CDH2: variants seen among roughly 807,000 people sequenced by gnomAD.
CDH2 encodes cadherin 2.
CDH2 carries 17 observed loss-of-function variants against 92.0 expected under a neutral mutation model. That is an observed-to-expected ratio of 0.18 (90% CI 0.13 to 0.28). The LOEUF (loss-of-function observed/expected upper bound fraction) is 0.28, where lower values mean the gene tolerates loss of function less well. Among genes scored for constraint, CDH2 ranks in the 10% least tolerant of loss-of-function variants. The pLI is 1.00. For missense variants in CDH2, 862 were observed against 1,133.1 expected, an observed-to-expected ratio of 0.76 and a Z score of 3.44; for synonymous variants, 419 against 415.9, an observed-to-expected ratio of 1.01 and a Z score of -0.09.
chr18:27,958,567 G>A (rs528370699), intron 15 of CDH2, among the ~76,000 whole-genome samples: 3 of 148,992 alleles, frequency 2.0e-5, no homozygotes, highest in South Asian at 2.1e-4. Context: ...TTATATATGT[G>A]TATATTTGTA....
At chr18:27,970,936 G>A (rs926561801) in intron 14 of CDH2, among the ~76,000 whole-genome samples, 9 of 152,166 alleles carry the variant, frequency 5.9e-5, no homozygotes, top group African/African-American at 2.2e-4. Context: ...GTGGGAGGCT[G>A]AGGCAGAAGT....
At chr18:27,962,576 T>C (rs2011435799) in intron 15 of CDH2, among the ~76,000 whole-genome samples, 1 of 152,176 alleles carries the variant, frequency 6.6e-6, no homozygotes, top group Admixed American at 6.5e-5. Flanking sequence ...ACCAATGATA[T>C]GACCAGAAAA....
At chr18:28,104,692 A>AT (rs1555642207) in intron 2 of CDH2, among the ~76,000 whole-genome samples, 1 of 148,328 alleles carries the variant, frequency 6.7e-6, no homozygotes, top group Non-Finnish European at 1.5e-5. Flanking sequence ...ATGCAAATAC[A>AT]TATCTATCTA....
chr18:27,955,396 G>A (rs936475253), intron 15 of CDH2, among the ~76,000 whole-genome samples: 26 of 89,832 alleles, frequency 2.9e-4, no homozygotes, highest in Admixed American at 3.6e-4. Flanking sequence ...GAAAAAGAAA[G>A]AAAAAGAGAA....
At chr18:28,171,292 C>G (rs552012604) in intron 1 of CDH2, among the ~76,000 whole-genome samples, 5 of 151,488 alleles carry the variant, frequency 3.3e-5, no homozygotes, top group South Asian at 4.2e-4. Context: ...TTAATGCTGA[C>G]CCACTTATAT....
intron 2 of CDH2, among the ~76,000 whole-genome samples, chr18:28,053,038 G>A (rs1026797090): frequency 1.3e-5 from 2 of 152,152 alleles, no homozygotes; most frequent in Non-Finnish European, 2.9e-5. Context: ...TGCACAGAGG[G>A]AGGACCATGT....
chr18:27,953,998 C>T (rs772443874), intron 15 of CDH2, among the ~76,000 whole-genome samples: 1 of 152,132 alleles, frequency 6.6e-6, no homozygotes, highest in Non-Finnish European at 1.5e-5. Flanking sequence ...GAAAAAAGTA[C>T]ACATGACCAG....
At chr18:28,132,669 A>AG (rs2015792141) in intron 2 of CDH2, among the ~76,000 whole-genome samples, 1 of 152,188 alleles carries the variant, frequency 6.6e-6, no homozygotes, top group Admixed American at 6.5e-5. Context: ...TGGATGGCAC[A>AG]GGAGCAGCAG....
intron 2 of CDH2, among the ~76,000 whole-genome samples, chr18:28,140,180 A>T (rs908852098): frequency 6.6e-6 from 1 of 152,054 alleles, no homozygotes; most frequent in African/African-American, 2.4e-5. Context: ...TTACCTAAAT[A>T]TGAGTGTTTT....
chr18:28,018,332 AT>A (rs2013311740), intron 2 of CDH2, among the ~76,000 whole-genome samples: 2 of 152,262 alleles, frequency 1.3e-5, no homozygotes, highest in South Asian at 4.1e-4. Flanking sequence ...CAATCTACAA[AT>A]TCAATGCAAT....
intron 1 of CDH2, 70 bp downstream of exon 1, chr18:28,176,893 G>C (rs1166711591): frequency 3.3e-6 from 3 of 916,668 alleles, no homozygotes; most frequent in South Asian, 9.9e-5. Context: ...CAGCGGCGCG[G>C]GGAACAAAGG....
At position 28,013,940 on chromosome 18, in the gene CDH2, A is replaced by T. The variant is rs200455275; in HGVS notation, c.173-31T>A. Reference sequence around the variant, plus strand: ...AAAGATAAGAAATAGGTCAGTTATTATAATTATACCAAAAAGGCAAAAAAA... The same window carrying T: ...AAAGATAAGAAATAGGTCAGTTATTTTAATTATACCAAAAAGGCAAAAAAA... On this transcript the variant is annotated intron_variant, in intron 2 of 15. Transcript: ENST00000269141. 7 of 1,545,866 alleles carry T rather than the reference A, an allele frequency of 4.5e-6. No individual in the cohort carries two copies. In the East Asian group the frequency reaches 1.6e-4, roughly 35 times the overall value.
At chr18:28,150,789 C>T (rs1447737500) in intron 1 of CDH2, among the ~76,000 whole-genome samples, 1 of 152,170 alleles carries the variant, frequency 6.6e-6, no homozygotes, top group East Asian at 1.9e-4. Flanking sequence ...AATTCTTCTT[C>T]CTTAAGACAA....
chr18:27,943,131 T>A (rs1909184798), intron 6 of CDH2, among the ~76,000 whole-genome samples: 1 of 152,212 alleles, frequency 6.6e-6, no homozygotes, highest in East Asian at 1.9e-4. Flanking sequence ...TATAAATATT[T>A]GACTATCTGA....
At chr18:28,084,467 G>T (rs560686652) in intron 2 of CDH2, among the ~76,000 whole-genome samples, 1 of 152,050 alleles carries the variant, frequency 6.6e-6, no homozygotes, top group Non-Finnish European at 1.5e-5. Flanking sequence ...AATGGCCAGA[G>T]AATCTTCCTC....
intron 2 of CDH2, among the ~76,000 whole-genome samples, chr18:28,130,627 C>A (rs372012840): frequency 2.6e-5 from 4 of 152,180 alleles, no homozygotes; most frequent in African/African-American, 9.7e-5. Flanking sequence ...TGGAGCGCAT[C>A]CAGATGTGCG....
intron 2 of CDH2, among the ~76,000 whole-genome samples, chr18:28,112,887 G>A (rs978595722): frequency 2.0e-5 from 3 of 152,200 alleles, no homozygotes; most frequent in South Asian, 2.1e-4. Context: ...CTGAAGAAAA[G>A]TCAACAGCAG....
At chr18:27,979,985 T>A (rs1478760429) in intron 14 of CDH2, among the ~76,000 whole-genome samples, 1 of 152,166 alleles carries the variant, frequency 6.6e-6, no homozygotes, top group Non-Finnish European at 1.5e-5. Context: ...AAGTTCCCAA[T>A]CAAAGCTTTT....
At chr18:27,988,840 T>C (rs1468229406) in intron 10 of CDH2, among the ~76,000 whole-genome samples, 174 bp from the exon 11 acceptor site, 2 of 152,134 alleles carry the variant, frequency 1.3e-5, no homozygotes, top group African/African-American at 4.8e-5. Flanking sequence ...GGGAGGCACA[T>C]AAAGGTTGTG....
Sources: gnomAD v4.1 joint callset for allele counts (sites outside exome capture counted in the v4.1 genomes callset) on GRCh38, gnomAD v4.1.1 for gene constraint, MANE v1.5 for transcripts, NCBI Gene and HGNC (gene_info 2026-07-23, HGNC 2026-07-21) for gene names.